The following SUN1 variants were observed in gnomAD, a reference collection of about 807,000 sequenced individuals.
The protein encoded by SUN1 is SUN domain-containing protein 1.
A neutral mutation model predicts 103.2 loss-of-function variants in SUN1; 61 were observed. That is an observed-to-expected ratio of 0.59 (90% CI 0.48 to 0.73). The LOEUF (loss-of-function observed/expected upper bound fraction) is 0.73. Among genes scored for constraint, SUN1 ranks in the 30% least tolerant of loss-of-function variants. SUN1 has a pLI of 0.00. For synonymous variants in SUN1, 490 were observed against 425.7 expected (o/e 1.15, Z -1.86); for missense variants, 1,052 against 1,034.6 (o/e 1.02, Z -0.23).
intron 1 of SUN1, among the ~76,000 whole-genome samples, chr7:824,807 T>C (rs1789866637): frequency 1.4e-5 from 2 of 147,258 alleles, no homozygotes; most frequent in African/African-American, 4.9e-5. Flanking sequence ...TCTGTCGATA[T>C]GGCTTTGCTG....
At chr7:849,037 C>T (rs1041689591) in intron 5 of SUN1, among the ~76,000 whole-genome samples, 13 of 151,512 alleles carry the variant, frequency 8.6e-5, no homozygotes, top group Admixed American at 2.6e-4. Context: ...CCGCAACCTC[C>T]GCCTCCTGGG....
At chr7:848,135 C>T (rs537007731) in intron 5 of SUN1, among the ~76,000 whole-genome samples, 21 of 150,670 alleles carry the variant, frequency 1.4e-4, no homozygotes, top group Non-Finnish European at 2.4e-4. Flanking sequence ...GGGGTTACTC[C>T]GCAGTCCAGT....
chr7:873,088 A>G (rs1585429518), intron 18 of SUN1, 127 bp from the exon 19 acceptor site: 3 of 867,648 alleles, frequency 3.5e-6, no homozygotes, highest in East Asian at 4.9e-5. Context: ...CTCTGTCTCA[A>G]CAACAACAAC....
Position 819,701 on chromosome 7 carries a change from A to G in SUN1, c.-74+3028A>G, listed in dbSNP as rs946322536. On this transcript the variant is annotated intron_variant, in intron 1 of 17. Transcript: ENST00000389574. ...TGCAGGTCTGTATGTTTTTATGCCA[A>G]TGCCACCCTTTTTTTTTTTTTTTTT... Among the ~76,000 whole-genome samples the G allele has an allele frequency of 1.5e-4, 21 of 144,752 alleles. 1 individual carries two copies. Among genetic ancestry groups the G allele is most frequent in the African/African-American group, 4.8e-4 (19 of 39,280 alleles). The allele number at this position is 144,752 out of a possible 152,430, so 95.0% of individuals were successfully genotyped here. A position where few individuals can be genotyped will look rare whatever the true frequency, so the allele number is the denominator to read the frequency against.
chr7:822,228 CTT>C (rs1269558841), intron 1 of SUN1, among the ~76,000 whole-genome samples: 3 of 152,162 alleles, frequency 2.0e-5, no homozygotes, highest in Non-Finnish European at 2.9e-5. Context: ...TTAAGCATCT[CTT>C]GTAATTTATT....
chr7:873,226 C>G lies in SUN1; in HGVS notation c.2253C>G (p.Asp751Glu), dbSNP rs373404030. 5 of 1,614,190 alleles carry G rather than the reference C, an allele frequency of 3.1e-6. No homozygotes were observed. In the African/African-American group the frequency reaches 6.7e-5, roughly 22 times the overall value. Residue 751 changes from aspartate (D) to glutamate (E), a missense_variant, in exon 19 of 19, where the codon GAC (aspartate) becomes GAG (glutamate). Coordinates refer to ENST00000401592, the MANE Select transcript of SUN1 (RefSeq NM_001130965.3). The part of the protein sequence containing the change: ...LQMFQALKRP[D>E]DTAFQIVELR... ...CACCTTGATTTCAGAAAAGACCCGACGACACAGCTTTCCAAATAGTGGAAC... is the reference window on the plus strand; with the variant it reads ...CACCTTGATTTCAGAAAAGACCCGAGGACACAGCTTTCCAAATAGTGGAAC...
upstream of SUN1, among the ~76,000 whole-genome samples, chr7:828,871 C>T (rs907915152): frequency 2.0e-5 from 3 of 152,208 alleles, no homozygotes; most frequent in African/African-American, 7.2e-5. Context: ...TGTGCTGAGC[C>T]GGCCAGCCTG....
At chr7:858,919 C>T (rs542501997) in intron 13 of SUN1, among the ~76,000 whole-genome samples, 2 of 152,220 alleles carry the variant, frequency 1.3e-5, no homozygotes, top group East Asian at 1.9e-4. Context: ...CTCTGGAGGC[C>T]GAGGTGGGCG....
At chr7:831,033 G>T, upstream of SUN1, 3 of 985,074 alleles carry the variant, frequency 3.0e-6, no homozygotes, top group Non-Finnish European at 2.4e-6. Flanking sequence ...GCTCCTCTGC[G>T]TGTGGGTTGA....
chr7:845,059 A>T (rs930672926), intron 5 of SUN1, among the ~76,000 whole-genome samples: 1 of 152,072 alleles, frequency 6.6e-6, no homozygotes, highest in Non-Finnish European at 1.5e-5. Context: ...CATTCCATAC[A>T]CTCTACTATG....
At chr7:856,486 AC>A in intron 12 of SUN1, 85 bp downstream of exon 12, 1 of 1,531,368 alleles carries the variant, frequency 6.5e-7, no homozygotes. Context: ...TGAATGGGGG[AC>A]CCGGGGCCGG....
At chr7:869,111 A>G (rs887242086) in intron 16 of SUN1, 1 of 532,012 alleles carries the variant, frequency 1.9e-6, no homozygotes, top group Non-Finnish European at 3.3e-6. Context: ...TGTCTCACCC[A>G]TTTTTCTTTA....
chr7:845,743 ATAAG>A (rs1032419433), intron 5 of SUN1, among the ~76,000 whole-genome samples: 9 of 152,234 alleles, frequency 5.9e-5, no homozygotes, highest in Admixed American at 2.0e-4. Flanking sequence ...TACAGATAAA[ATAAG>A]TCCTTTTCCC....
chr7:858,636 C>T (rs955766323), intron 13 of SUN1, among the ~76,000 whole-genome samples: 22 of 152,022 alleles, frequency 1.4e-4, no homozygotes, highest in African/African-American at 5.1e-4. Context: ...TGTTTCGTGT[C>T]GAAACATATC....
intron 1 of SUN1, among the ~76,000 whole-genome samples, chr7:822,674 C>T (rs1262025366): frequency 6.6e-6 from 1 of 152,200 alleles, no homozygotes; most frequent in Non-Finnish European, 1.5e-5. Context: ...CTGGGGAGAA[C>T]AGAGCGCTAG....
intron 1 of SUN1, among the ~76,000 whole-genome samples, chr7:833,607 G>A (rs761823645): frequency 4.6e-5 from 7 of 152,154 alleles, no homozygotes; most frequent in Admixed American, 3.3e-4. Flanking sequence ...CACCGTGCCC[G>A]GTCTCAGTGG....
chr7:823,048 C>T (rs562762805), intron 1 of SUN1, among the ~76,000 whole-genome samples: 38 of 152,358 alleles, frequency 2.5e-4, no homozygotes, highest in African/African-American at 5.8e-4. Context: ...AGGATTTTTC[C>T]GGAGCGTAGT....
At chr7:826,498 G>T (rs1037451289) in intron 1 of SUN1, among the ~76,000 whole-genome samples, 2 of 152,196 alleles carry the variant, frequency 1.3e-5, no homozygotes, top group African/African-American at 4.8e-5. Flanking sequence ...CGAGGCCGGG[G>T]GCTGCAGCTC....
intron 11 of SUN1, among the ~76,000 whole-genome samples, 181 bp from the exon 12 acceptor site, chr7:856,177 C>T (rs913666126): frequency 9.9e-5 from 15 of 152,234 alleles, no homozygotes; most frequent in African/African-American, 3.1e-4. Flanking sequence ...TCTGCGCACA[C>T]GTAATGAAGG....
Sources: gnomAD v4.1 joint callset for allele counts (sites outside exome capture counted in the v4.1 genomes callset) on GRCh38, gnomAD v4.1.1 for gene constraint, MANE v1.5 for transcripts, NCBI Gene and HGNC (gene_info 2026-07-23, HGNC 2026-07-21) for gene names.